The following RAB18 variants were observed in gnomAD, a reference collection of about 807,000 sequenced individuals.
The protein encoded by RAB18 is RAB18, member RAS oncogene family.
RAB18 carries 10 observed loss-of-function variants against 28.5 expected under a neutral mutation model. The ratio of observed to expected loss-of-function variants is 0.35; its 90% CI spans 0.22 to 0.60. The LOEUF is 0.60. Ranked by LOEUF, RAB18 falls within the 20% of genes least tolerant of loss-of-function variation. The pLI, the probability that RAB18 is intolerant of heterozygous loss-of-function variation, is 0.78. For missense variants in RAB18, 188 were observed against 244.2 expected, an observed-to-expected ratio of 0.77 and a Z score of 1.53; for synonymous variants, 93 against 86.9, an observed-to-expected ratio of 1.07 and a Z score of -0.39.
chr10:27,514,180 G>A (rs1430516676), intron 2 of RAB18: 1 of 151,984 alleles, frequency 6.6e-6, no homozygotes, highest in East Asian at 1.9e-4. Flanking sequence ...ATAATCAAAA[G>A]GAATTCATTA....
intron 3 of RAB18, among the ~76,000 whole-genome samples, chr10:27,528,616 C>T (rs542024656): frequency 8.5e-5 from 13 of 152,140 alleles, no homozygotes; most frequent in African/African-American, 7.2e-5. Context: ...GCTAGTATTC[C>T]GTTTCATAGC....
In RAB18 at chr10:27,504,423, G is replaced by A; in HGVS notation, c.54G>A (p.Gly18=). 1 of 1,568,022 alleles carries A rather than the reference G, an allele frequency of 6.4e-7. No individual in the cohort carries two copies. Among genetic ancestry groups the A allele is most frequent in the Non-Finnish European group, 8.7e-7 (1 of 1,155,960 alleles). The change falls in exon 1 of 7, where the codon GGG becomes GGA. Residue 18 remains glycine (G), a synonymous_variant. Transcript: ENST00000356940. ...AGATCCTCATCATCGGCGAGAGTGG[G>A]GTGGGCAAGTCCAGGTGAGGCGGAG... ...TLKILIIGES[G]VGKSSLLLRF...
In RAB18 at chr10:27,538,833, C is replaced by G. The variant is rs368827863; in HGVS notation, c.*782C>G. 1.1e-5 allele frequency: 5 copies of G among 453,888 alleles called. No homozygotes were observed. In the East Asian group the frequency reaches 3.5e-4, roughly 32 times the overall value. The allele number at this position is 453,888 out of a possible 1,614,324, so 28.1% of individuals were successfully genotyped here. ...GACATGAATAGTGTGTTTATTGTAACTCCTCATACACTTTTAAAACCAACA... is the reference window on the plus strand; with the variant it reads ...GACATGAATAGTGTGTTTATTGTAAGTCCTCATACACTTTTAAAACCAACA... On this transcript the variant is annotated 3_prime_UTR_variant, in exon 7 of 7. Transcript: ENST00000356940.
At position 27,528,268 on chromosome 10, in the gene RAB18, A is replaced by T. The variant is rs749050094; in HGVS notation, c.186+1379A>T. The stretch of plus-strand genomic sequence containing the variant: ...CCTAATAAAAAGGCTGGCAGGTATT[A>T]TTGAAGAGACATTTTTACCATAGGC... On this transcript the variant is annotated intron_variant, in intron 3 of 6. Coordinates refer to ENST00000356940, the MANE Select transcript of RAB18 (RefSeq NM_021252.5). 6.2e-6 allele frequency: 3 copies of T among 484,474 alleles called. No homozygotes were observed. In the Admixed American group the frequency reaches 6.5e-5, roughly 11 times the overall value. The allele number at this position is 484,474 out of a possible 1,614,324, so 30.0% of individuals were successfully genotyped here.
chr10:27,516,483 A>G (rs1204432584), intron 2 of RAB18, among the ~76,000 whole-genome samples: 1 of 151,764 alleles, frequency 6.6e-6, no homozygotes, highest in Admixed American at 6.6e-5. Context: ...GCTTAAATTC[A>G]GGAGATGGAG....
intron 1 of RAB18, among the ~76,000 whole-genome samples, chr10:27,506,161 A>C (rs774007642): frequency 6.6e-6 from 1 of 152,148 alleles, no homozygotes; most frequent in Non-Finnish European, 1.5e-5. Context: ...ATATGAAATT[A>C]GTGTTTTTGA....
At chr10:27,525,679 T>C (rs965165911) in intron 2 of RAB18, among the ~76,000 whole-genome samples, 3 of 152,182 alleles carry the variant, frequency 2.0e-5, no homozygotes, top group African/African-American at 7.2e-5. Context: ...AACTCCTTTA[T>C]CACCCCAGCT....
chr10:27,527,752 A>G (rs1375596277), intron 3 of RAB18, among the ~76,000 whole-genome samples: 3 of 152,142 alleles, frequency 2.0e-5, no homozygotes, highest in South Asian at 4.1e-4. Flanking sequence ...CTGTTTGTAC[A>G]TCAGTCACAG....
At chr10:27,505,099 C>T (rs758678100) in intron 1 of RAB18, 3 of 532,752 alleles carry the variant, frequency 5.6e-6, no homozygotes, top group East Asian at 1.1e-4. Context: ...CTCATTTTGC[C>T]ACATCCTGTG....
Position 27,534,009 on chromosome 10 carries a change from G to T in RAB18, c.445+15G>T. 6.4e-7 allele frequency: 1 copy of T among 1,573,984 alleles called. No individual in the cohort carries two copies. On this transcript the variant is annotated intron_variant, in intron 6 of 6. Transcript: ENST00000356940. ...GTTATTTATAGGTAGGTGTGTGAATGAATATCTGTCCTTTCATTATTAATG... is the reference window on the plus strand; with the variant it reads ...GTTATTTATAGGTAGGTGTGTGAATTAATATCTGTCCTTTCATTATTAATG...
intron 4 of RAB18, among the ~76,000 whole-genome samples, chr10:27,533,395 C>T (rs893692802): frequency 2.6e-5 from 4 of 151,562 alleles, no homozygotes; most frequent in Non-Finnish European, 4.4e-5. Context: ...AGATTTGAAT[C>T]TAAACACTCT....
intron 3 of RAB18, among the ~76,000 whole-genome samples, chr10:27,531,360 G>A (rs937821398): frequency 1.1e-4 from 17 of 151,912 alleles, no homozygotes; most frequent in Non-Finnish European, 8.8e-5. Flanking sequence ...AGCCCCTCAC[G>A]CCCCTGGTTT....
chr10:27,541,467 C>T lies in RAB18; in HGVS notation c.*3416C>T. The T allele has an allele frequency of 2.2e-6, 1 of 453,436 alleles. No homozygotes were observed. Among genetic ancestry groups the T allele is most frequent in the South Asian group, 1.6e-5 (1 of 64,446 alleles). 28.1% of individuals were successfully genotyped at this position (453,436 alleles called of 1,614,324 possible). A position where few individuals can be genotyped will look rare whatever the true frequency, so the allele number is the denominator to read the frequency against. On this transcript the variant is annotated 3_prime_UTR_variant, in exon 7 of 7. Transcript: ENST00000356940. ...AGCTTATTGTTTCATACTTGGGAAT[C>T]AGTCATGTTTCTGATTGTGGTATAA...
At chr10:27,528,908 T>C (rs987452259) in intron 3 of RAB18, among the ~76,000 whole-genome samples, 5 of 152,110 alleles carry the variant, frequency 3.3e-5, no homozygotes, top group Admixed American at 2.6e-4. Context: ...TGAGTGTTGC[T>C]GTTTTACTTA....
chr10:27,518,388 C>T (rs866982606), intron 2 of RAB18, among the ~76,000 whole-genome samples: 9 of 152,004 alleles, frequency 5.9e-5, no homozygotes, highest in African/African-American at 2.2e-4. Flanking sequence ...TCTTCTATAC[C>T]CCTCACCTAT....
In RAB18 at chr10:27,542,096, A is replaced by G. The variant is rs1044250551; in HGVS notation, c.*4045A>G. ...GCTGCAGCTCGTTTTTCTAATATAA[A>G]GGAACCAGCCTGAGGCAGTACCAGG... On this transcript the variant is annotated 3_prime_UTR_variant, in exon 7 of 7. Transcript: ENST00000356940. 12 of 453,994 alleles carry G rather than the reference A, an allele frequency of 2.6e-5. No homozygotes were observed. The highest frequency in any genetic ancestry group is 2.6e-4 in the Admixed American group (11 of 42,556). The allele number at this position is 453,994 out of a possible 1,614,324, so 28.1% of individuals were successfully genotyped here.
At chr10:27,514,492 T>TTGAAAA (rs1834391504) in intron 2 of RAB18, among the ~76,000 whole-genome samples, 2 of 151,694 alleles carry the variant, frequency 1.3e-5, no homozygotes, top group South Asian at 4.2e-4. Flanking sequence ...GAAGATGAAA[T>TTGAAAA]TGAAAGGATC....
Position 27,540,414 on chromosome 10 carries a change from G to A in RAB18, c.*2363G>A, listed in dbSNP as rs1261299229. 2 of 453,910 alleles carry A rather than the reference G, an allele frequency of 4.4e-6. No homozygotes were observed. The highest frequency in any genetic ancestry group is 4.7e-5 in the Admixed American group (2 of 42,548). The allele number at this position is 453,910 out of a possible 1,614,324, so 28.1% of individuals were successfully genotyped here. On this transcript the variant is annotated 3_prime_UTR_variant, in exon 7 of 7. Transcript: ENST00000356940. Reference sequence around the variant, plus strand: ...TCTTCACCATCGCTCATTTTACAATGGGTAGTTAGTTACCAGCTTTTTGTA... The same window carrying A: ...TCTTCACCATCGCTCATTTTACAATAGGTAGTTAGTTACCAGCTTTTTGTA...
At position 27,538,007 on chromosome 10, in the gene RAB18, G is replaced by A; in HGVS notation, c.577G>A (p.Gly193Ser). Residue 193 changes from glycine (G) to serine (S), a missense_variant, in exon 7 of 7, where the codon GGC (glycine) becomes AGC (serine). By Grantham distance (56) the Gly-to-Ser change is moderately conservative. Transcript: ENST00000356940. ...KGVKLSHREEGQGGGACGGYC... is the reference protein window; with the variant it reads ...KGVKLSHREESQGGGACGGYC... ...AGTCAAACTGTCACACAGGGAAGAA[G>A]GCCAAGGAGGAGGAGCCTGTGGTGG... 2 of 1,614,132 alleles carry A rather than the reference G, an allele frequency of 1.2e-6. No individual in the cohort carries two copies. The highest frequency in any genetic ancestry group is 1.7e-6 in the Non-Finnish European group (2 of 1,179,990).
Sources: gnomAD v4.1 joint callset for allele counts (sites outside exome capture counted in the v4.1 genomes callset) on GRCh38, gnomAD v4.1.1 for gene constraint, MANE v1.5 for transcripts, NCBI Gene and HGNC (gene_info 2026-07-23, HGNC 2026-07-21) for gene names.